ICE2: variants seen among roughly 807,000 people sequenced by gnomAD.
The protein encoded by ICE2 is little elongation complex subunit 2.
In ICE2, 87 loss-of-function variants were observed where a neutral mutation model predicts 105.4. That is an observed-to-expected ratio of 0.83 (90% confidence interval 0.69 to 0.99). The LOEUF is 0.99. Ranked by LOEUF, ICE2 falls within the 50% of genes least tolerant of loss-of-function variation. The probability of loss-of-function intolerance (pLI) is 0.00; values close to 1 mark genes in which losing one functional copy is unlikely to be tolerated. For missense variants in ICE2, 1,323 were observed against 1,146.7 expected, an observed-to-expected ratio of 1.15 and a Z score of -2.22; for synonymous variants, 399 against 392.0, an observed-to-expected ratio of 1.02 and a Z score of -0.21.
At chr15:60,451,940 A>G (rs2063976705) in intron 9 of ICE2, 1 of 336,542 alleles carries the variant, frequency 3.0e-6, no homozygotes, top group Admixed American at 6.5e-5. Context: ...ATTCCTCACT[A>G]TCTTGTTAGC....
chr15:60,456,796 T>G lies in ICE2; in HGVS notation c.529-2A>C, dbSNP rs1259576531. On this transcript the variant is annotated splice_acceptor_variant, in intron 5 of 15. Coordinates refer to ENST00000261520, the MANE Select transcript of ICE2 (RefSeq NM_024611.6). LOFTEE classifies it high-confidence loss of function. ...TTCAATGCAAGCTCTTAAAATTTTC[T>G]GAGAAACAGAAATTAAGAAAAATTC... The G allele has an allele frequency of 6.8e-7, 1 of 1,469,526 alleles. No homozygotes were observed. Among genetic ancestry groups the G allele is most frequent in the East Asian group, 2.5e-5 (1 of 40,398 alleles). The allele number at this position is 1,469,526 out of a possible 1,614,324, so 91.0% of individuals were successfully genotyped here. A position where few individuals can be genotyped will look rare whatever the true frequency, so the allele number is the denominator to read the frequency against.
chr15:60,432,181 C>CTTTT (rs35081421), intron 13 of ICE2, among the ~76,000 whole-genome samples, 197 bp from the exon 14 acceptor site: 16 of 110,642 alleles, frequency 1.4e-4, no homozygotes, highest in Non-Finnish European at 2.1e-4. Flanking sequence ...AAAAAATTTC[C>CTTTT]TTTTTTTTTT....
At chr15:60,463,461 G>T (rs934224380) in intron 5 of ICE2, among the ~76,000 whole-genome samples, 1 of 152,126 alleles carries the variant, frequency 6.6e-6, no homozygotes, top group Non-Finnish European at 1.5e-5. Context: ...AAAGGATTCT[G>T]TTCCCATAAA....
At chr15:60,446,474 CA>C (rs2063824907) in intron 11 of ICE2, among the ~76,000 whole-genome samples, 1 of 152,160 alleles carries the variant, frequency 6.6e-6, no homozygotes. Context: ...CGGCTCACTG[CA>C]AGCTCCGCCT....
rs1443383138 is a variant in ICE2 at position 60,478,654 on chromosome 15, C to T, written c.-93+349G>A. 8 of 333,070 alleles carry T rather than the reference C, an allele frequency of 2.4e-5. No individual in the cohort carries two copies. The East Asian group carries it at 7.2e-4, about 30-fold the overall frequency. 20.6% of individuals were successfully genotyped at this position (333,070 alleles called of 1,614,324 possible). On this transcript the variant is annotated intron_variant, in intron 1 of 15. Transcript: ENST00000261520. ...CCAGGCAGACTGATAAAGTGACCTG[C>T]GAGAACCTAATCAAATTTAGGAGTC...
intron 1 of ICE2, chr15:60,478,708 G>T (rs1441543392): frequency 5.9e-6 from 2 of 340,988 alleles, no homozygotes. Context: ...GGGCCCGACC[G>T]GCTCCCACTT....
In ICE2 at chr15:60,420,467, T is replaced by G. The variant is rs1281804256; in HGVS notation, c.*3167A>C. 6.6e-6 allele frequency: 1 copy of G among 152,242 alleles called. No homozygotes were observed. The highest frequency in any genetic ancestry group is 1.9e-4 in the East Asian group (1 of 5,200). 9.4% of individuals were successfully genotyped at this position (152,242 alleles called of 1,614,324 possible). ...TCTAGACTAATGCCAACAAGAGCCCTTTTCAAATACATATCTGATCATGTC... is the reference window on the plus strand; with the variant it reads ...TCTAGACTAATGCCAACAAGAGCCCGTTTCAAATACATATCTGATCATGTC... On this transcript the variant is annotated 3_prime_UTR_variant, in exon 16 of 16. Coordinates refer to ENST00000261520, the MANE Select transcript of ICE2 (RefSeq NM_024611.6).
chr15:60,477,724 TG>T (rs1344130550), intron 2 of ICE2, among the ~76,000 whole-genome samples: 2 of 152,240 alleles, frequency 1.3e-5, no homozygotes, highest in African/African-American at 2.4e-5. Context: ...ATTTGAGTGC[TG>T]AACTGTGTTG....
chr15:60,456,774 A>C lies in ICE2; in HGVS notation c.549T>G (p.Ile183Met). ...LFTEKILRAC[I>M]EQVKKYSEFY... The stretch of plus-strand genomic sequence containing the variant: ...ATTCTGAATACTTTTTCACTTGTTC[A>C]ATGCAAGCTCTTAAAATTTTCTGAG... Residue 183 changes from isoleucine (I) to methionine (M), a missense_variant, in exon 6 of 16, where the codon ATT becomes ATG. Coordinates refer to ENST00000261520, the MANE Select transcript of ICE2 (RefSeq NM_024611.6). 6.7e-7 allele frequency: 1 copy of C among 1,493,534 alleles called. No homozygotes were observed. Among genetic ancestry groups the C allele is most frequent in the Non-Finnish European group, 8.9e-7 (1 of 1,122,160 alleles). 92.5% of individuals were successfully genotyped at this position (1,493,534 alleles called of 1,614,324 possible).
Position 60,423,689 on chromosome 15 carries a change from G to C in ICE2, c.2894C>G (p.Pro965Arg). The change falls in exon 16 of 16, where the codon CCT (proline) becomes CGT (arginine). Residue 965 changes from proline to arginine, a missense_variant. Transcript: ENST00000261520. The stretch of plus-strand genomic sequence containing the variant: ...TCCTTCAGTTTCAACTTGCTGAGCA[G>C]GCAAGCAACTGCTTTTGGTTTCCAT... ...VSMETKSSCLPAQQVETEGVA... is the reference protein window; with the variant it reads ...VSMETKSSCLRAQQVETEGVA... 1 of 1,610,428 alleles carries C rather than the reference G, an allele frequency of 6.2e-7. No homozygotes were observed. The highest frequency in any genetic ancestry group is 8.5e-7 in the Non-Finnish European group (1 of 1,179,250).
intron 6 of ICE2, among the ~76,000 whole-genome samples, chr15:60,456,165 C>T (rs995186452): frequency 6.6e-6 from 1 of 151,692 alleles, no homozygotes; most frequent in East Asian, 1.9e-4. Flanking sequence ...TATTTCTATC[C>T]ACAGAATAAA....
chr15:60,463,426 T>C (rs995481795), intron 5 of ICE2, among the ~76,000 whole-genome samples: 2 of 151,946 alleles, frequency 1.3e-5, no homozygotes, highest in East Asian at 1.9e-4. Flanking sequence ...AAAAGCACAA[T>C]ACTGAATGAA....
At position 60,453,604 on chromosome 15, in the gene ICE2, T is replaced by G; in HGVS notation, c.1124A>C (p.Asp375Ala). Residue 375 changes from aspartate (D) to alanine (A), a missense_variant and splice_region_variant, in exon 9 of 16, where the codon GAC becomes GCC. Physicochemically the swap from Asp to Ala is moderately radical, Grantham distance 126. Coordinates refer to ENST00000261520, the MANE Select transcript of ICE2 (RefSeq NM_024611.6). The part of the protein sequence containing the change: ...DKPEEFISEM[D>A]MSCEVNECRK... The stretch of plus-strand genomic sequence containing the variant: ...GGGGAAAAAAAAAGCATTACATACG[T>G]CCATTTCAGATATAAACTCTTCAGG... The G allele has an allele frequency of 6.2e-7, 1 of 1,613,044 alleles. No individual in the cohort carries two copies. Among genetic ancestry groups the G allele is most frequent in the Non-Finnish European group, 8.5e-7 (1 of 1,179,434 alleles).
intron 8 of ICE2, 76 bp downstream of exon 8, chr15:60,454,927 C>T: frequency 7.7e-7 from 1 of 1,306,594 alleles, no homozygotes; most frequent in Non-Finnish European, 1.0e-6. Context: ...CATTGTTCAA[C>T]TCCTATTTAT....
At chr15:60,460,712 T>TAC (rs1488142263) in intron 5 of ICE2, among the ~76,000 whole-genome samples, 5 of 152,116 alleles carry the variant, frequency 3.3e-5, no homozygotes, top group Non-Finnish European at 7.4e-5. Context: ...TCAGCACCCC[T>TAC]ACCAAGCTCT....
intron 2 of ICE2, among the ~76,000 whole-genome samples, chr15:60,477,091 G>A (rs1423100916): frequency 6.6e-6 from 1 of 152,126 alleles, no homozygotes; most frequent in Non-Finnish European, 1.5e-5. Flanking sequence ...TTTTTAAACT[G>A]TTCTTAAAGG....
chr15:60,428,467 A>G lies in ICE2; in HGVS notation c.2782T>C (p.Phe928Leu). ...GTGGTATCCAGTGATTTCGGTGGAA[A>G]AGTACAAGGTATTCTTCCATGATGG... The part of the protein sequence containing the change: ...HIHHGRIPCT[F>L]PPKSLDTTTQ... Residue 928 changes from phenylalanine (F) to leucine (L), a missense_variant, in exon 15 of 16, where the codon TTT becomes CTT. Phe to Leu is a conservative substitution (Grantham distance 22). Transcript: ENST00000261520. The G allele has an allele frequency of 6.2e-7, 1 of 1,613,970 alleles. No individual in the cohort carries two copies. The highest frequency in any genetic ancestry group is 8.5e-7 in the Non-Finnish European group (1 of 1,179,838).
intron 5 of ICE2, among the ~76,000 whole-genome samples, chr15:60,461,055 C>T (rs1415990162): frequency 1.5e-5 from 2 of 135,024 alleles, no homozygotes; most frequent in East Asian, 4.5e-4. Flanking sequence ...AGCATTCCAC[C>T]AGTTGTAACA....
rs1231881314 is a variant in ICE2, at chr15:60,420,237, A to G, written c.*3397T>C. ...AATGGGTTAACACCATCATTTACTCAGTATCTCAAATGAGAAACCCAGAAG... is the reference window on the plus strand; with the variant it reads ...AATGGGTTAACACCATCATTTACTCGGTATCTCAAATGAGAAACCCAGAAG... On this transcript the variant is annotated 3_prime_UTR_variant, in exon 16 of 16. Coordinates refer to ENST00000261520, the MANE Select transcript of ICE2 (RefSeq NM_024611.6). 2.0e-5 allele frequency: 3 copies of G among 152,106 alleles called. No individual in the cohort carries two copies. The highest frequency in any genetic ancestry group is 2.9e-5 in the Non-Finnish European group (2 of 68,028). 9.4% of individuals were successfully genotyped at this position (152,106 alleles called of 1,614,324 possible). A position where few individuals can be genotyped will look rare whatever the true frequency, so the allele number is the denominator to read the frequency against.
Sources: gnomAD v4.1 joint callset for allele counts (sites outside exome capture counted in the v4.1 genomes callset) on GRCh38, gnomAD v4.1.1 for gene constraint, MANE v1.5 for transcripts, NCBI Gene and HGNC (gene_info 2026-07-23, HGNC 2026-07-21) for gene names.